The following B3GALT1 variants were observed in gnomAD, a reference collection of about 807,000 sequenced individuals.
B3GALT1 encodes the protein beta-1,3-galactosyltransferase 1.
A neutral mutation model predicts 23.2 loss-of-function variants in B3GALT1; 10 were observed. The observed-to-expected ratio is 0.43, with a 90% CI of 0.27 to 0.73. The LOEUF is 0.73. Ranked by LOEUF, B3GALT1 falls within the 30% of genes least tolerant of loss-of-function variation. B3GALT1 has a pLI of 0.21. For missense variants in B3GALT1, 299 were observed against 405.4 expected (o/e 0.74, Z 2.25); for synonymous variants, 156 against 141.5 (o/e 1.10, Z -0.73).
chr2:167,322,834 TG>T (rs1350290792), intron 1 of B3GALT1, among the ~76,000 whole-genome samples: 2 of 152,108 alleles, frequency 1.3e-5, no homozygotes, highest in Non-Finnish European at 2.9e-5. Flanking sequence ...TAATTTAAAA[TG>T]CTTGTTTGTT....
intron 3 of B3GALT1, among the ~76,000 whole-genome samples, chr2:167,779,544 G>A (rs1471217811): frequency 6.6e-6 from 1 of 152,136 alleles, no homozygotes. Context: ...ATAAGCTTTT[G>A]TTGGGTTGTT....
At chr2:167,553,001 C>G (rs896540774) in intron 2 of B3GALT1, among the ~76,000 whole-genome samples, 3 of 152,070 alleles carry the variant, frequency 2.0e-5, no homozygotes, top group Non-Finnish European at 4.4e-5. Context: ...TGTGTTGGTA[C>G]ACATCTTCGG....
intron 3 of B3GALT1, among the ~76,000 whole-genome samples, chr2:167,711,922 C>G (rs183812696): frequency 8.3e-4 from 126 of 152,282 alleles, no homozygotes; most frequent in South Asian, 4.4e-3. Flanking sequence ...AAGCTGAGAT[C>G]ATGCCACTAC....
chr2:167,582,857 A>AGC (rs1684513328), intron 2 of B3GALT1, among the ~76,000 whole-genome samples: 1 of 152,166 alleles, frequency 6.6e-6, no homozygotes, highest in Non-Finnish European at 1.5e-5. Flanking sequence ...GATCCTGGCC[A>AGC]GCTCTGTCTC....
At chr2:167,485,560 A>G (rs1699615368) in intron 1 of B3GALT1, among the ~76,000 whole-genome samples, 2 of 152,228 alleles carry the variant, frequency 1.3e-5, no homozygotes, top group Admixed American at 6.5e-5. Context: ...GACAAATGGC[A>G]TTAAGTTATC....
intron 3 of B3GALT1, among the ~76,000 whole-genome samples, chr2:167,667,557 G>A (rs1686226457): frequency 1.3e-5 from 2 of 152,150 alleles, no homozygotes; most frequent in South Asian, 2.1e-4. Flanking sequence ...TTCCAACTTG[G>A]TTCCATTCTT....
intron 3 of B3GALT1, among the ~76,000 whole-genome samples, chr2:167,782,072 G>T (rs779290788): frequency 3.1e-4 from 47 of 152,168 alleles, no homozygotes; most frequent in Non-Finnish European, 5.9e-4. Flanking sequence ...TGTGATGGGG[G>T]AAGCCAGAGA....
At chr2:167,300,486 C>T (rs942853231) in intron 1 of B3GALT1, among the ~76,000 whole-genome samples, 1 of 152,124 alleles carries the variant, frequency 6.6e-6, no homozygotes, top group Non-Finnish European at 1.5e-5. Flanking sequence ...TAGGTTATAA[C>T]AGCAAAGGAT....
chr2:167,567,612 TGAAAG>T (rs1421929678), intron 2 of B3GALT1, among the ~76,000 whole-genome samples: 3 of 152,156 alleles, frequency 2.0e-5, no homozygotes, highest in East Asian at 1.9e-4. Flanking sequence ...ACACCAAAAT[TGAAAG>T]GAAGGTACAG....
At chr2:167,402,075 T>C (rs961975207) in intron 1 of B3GALT1, among the ~76,000 whole-genome samples, 5 of 152,106 alleles carry the variant, frequency 3.3e-5, no homozygotes, top group African/African-American at 7.2e-5. Flanking sequence ...TGGCATAAAT[T>C]TGAGTAAGAA....
intron 1 of B3GALT1, among the ~76,000 whole-genome samples, chr2:167,316,695 C>T (rs1696725338): frequency 1.3e-5 from 2 of 152,086 alleles, no homozygotes; most frequent in African/African-American, 4.8e-5. Context: ...TGTTGTCTGC[C>T]AGCATTCCCT....
chr2:167,430,847 T>G (rs553317642), intron 1 of B3GALT1, among the ~76,000 whole-genome samples: 1 of 152,276 alleles, frequency 6.6e-6, no homozygotes, highest in African/African-American at 2.4e-5. Context: ...CAAATTATGA[T>G]CCAGAGAAAA....
At chr2:167,405,660 A>G (rs1459410207) in intron 1 of B3GALT1, among the ~76,000 whole-genome samples, 3 of 152,130 alleles carry the variant, frequency 2.0e-5, no homozygotes, top group Admixed American at 6.5e-5. Flanking sequence ...AAGCTATGGA[A>G]TGAATTACTC....
intron 1 of B3GALT1, among the ~76,000 whole-genome samples, chr2:167,463,049 AT>A (rs1404735031): frequency 6.6e-6 from 1 of 152,126 alleles, no homozygotes; most frequent in Non-Finnish European, 1.5e-5. Flanking sequence ...GGAAAACACC[AT>A]AAGCCTTTTC....
At chr2:167,762,968 G>T (rs1687919108) in intron 3 of B3GALT1, among the ~76,000 whole-genome samples, 1 of 152,150 alleles carries the variant, frequency 6.6e-6, no homozygotes, top group African/African-American at 2.4e-5. Flanking sequence ...CATTATTCTT[G>T]CCCAGAGGGT....
chr2:167,408,192 A>G (rs1218601457), intron 1 of B3GALT1, among the ~76,000 whole-genome samples: 5 of 152,218 alleles, frequency 3.3e-5, no homozygotes, highest in Admixed American at 2.0e-4. Flanking sequence ...AGAGGGATTC[A>G]TCCAGGGATG....
intron 2 of B3GALT1, among the ~76,000 whole-genome samples, chr2:167,508,407 C>G (rs913751798): frequency 6.6e-6 from 1 of 151,576 alleles, no homozygotes; most frequent in Non-Finnish European, 1.5e-5. Flanking sequence ...TACAGGCACC[C>G]GCCACCACTC....
In B3GALT1 at chr2:167,301,267, G is replaced by C. The variant is rs140212027; in HGVS notation, c.-511+7933G>C. Among the ~76,000 whole-genome samples the C allele has an allele frequency of 1.2e-3, 186 of 152,256 alleles. No individual in the cohort carries two copies. In the South Asian group the frequency reaches 0.012, roughly 10 times the overall value. ...TTAAGGAATAAGATCCACAACAAAG[G>C]AAGGTATTTTGAAGCTTATAGAATC... On this transcript the variant is annotated intron_variant, in intron 1 of 4. Coordinates refer to ENST00000392690, the MANE Select transcript of B3GALT1 (RefSeq NM_020981.4).
chr2:167,430,525 G>A (rs1698691038), intron 1 of B3GALT1, among the ~76,000 whole-genome samples: 2 of 152,170 alleles, frequency 1.3e-5, no homozygotes, highest in East Asian at 3.9e-4. Context: ...ATAGTAGCTT[G>A]TATCATGGTA....
Sources: allele counts gnomAD v4.1 joint callset (sites outside exome capture counted in the v4.1 genomes callset), GRCh38; gene constraint gnomAD v4.1.1; transcripts MANE v1.5; gene names NCBI Gene and HGNC (gene_info 2026-07-23, HGNC 2026-07-21).